DPP6: variants seen among roughly 807,000 people sequenced by gnomAD.
DPP6 encodes the protein dipeptidyl peptidase like 6.
DPP6 carries 69 observed loss-of-function variants against 122.6 expected under a neutral mutation model. The ratio of observed to expected loss-of-function variants is 0.56; its 90% CI spans 0.46 to 0.69. The LOEUF is 0.69. DPP6 is among the 30% of genes least tolerant of loss of function. The probability of loss-of-function intolerance (pLI) is 0.00; values close to 1 mark genes in which losing one functional copy is unlikely to be tolerated. For missense variants in DPP6, 928 were observed against 1,116.9 expected, an observed-to-expected ratio of 0.83 and a Z score of 2.41; for synonymous variants, 418 against 433.1, an observed-to-expected ratio of 0.97 and a Z score of 0.43.
At chr7:154,300,668 T>TGTGG (rs1191196863) in intron 1 of DPP6, among the ~76,000 whole-genome samples, 1 of 152,068 alleles carries the variant, frequency 6.6e-6, no homozygotes, top group Non-Finnish European at 1.5e-5. Flanking sequence ...TGTGTGTGTG[T>TGTGG]GGGGTTGGGG....
intron 10 of DPP6, among the ~76,000 whole-genome samples, chr7:154,778,558 C>A (rs1028722195): frequency 4.0e-5 from 6 of 151,126 alleles, no homozygotes; most frequent in Admixed American, 1.3e-4. Flanking sequence ...CTTGAGCACC[C>A]CCCCCCAAAA....
chr7:154,274,319 A>G (rs1461754989), intron 1 of DPP6, among the ~76,000 whole-genome samples: 2 of 152,180 alleles, frequency 1.3e-5, no homozygotes, highest in Non-Finnish European at 2.9e-5. Flanking sequence ...CAGTCATATC[A>G]CTATTCTTAT....
chr7:153,795,701 T>G, the DPP6 span, among the ~76,000 whole-genome samples: 1 of 152,250 alleles, frequency 6.6e-6, no homozygotes, highest in Middle Eastern at 3.4e-3. Flanking sequence ...AGATGTTGAT[T>G]TGAAACCTGT....
chr7:154,228,109 A>G lies in DPP6; in HGVS notation c.243+175046A>G, dbSNP rs55818755. Among the ~76,000 whole-genome samples the G allele has an allele frequency of 8.1e-3, 1,235 of 152,352 alleles. 22 individuals carry two copies. Among genetic ancestry groups the G allele is most frequent in the African/African-American group, 0.028 (1,168 of 41,580 alleles). ...TTAATAGAATTAATAATCAAATGGG[A>G]TCCTGAGATCAATAATTCTCAAATT... On this transcript the variant is annotated intron_variant, in intron 1 of 25. Coordinates refer to ENST00000377770, the MANE Select transcript of DPP6 (RefSeq NM_130797.4).
At chr7:154,521,993 C>A (rs951722827) in intron 3 of DPP6, among the ~76,000 whole-genome samples, 4 of 151,782 alleles carry the variant, frequency 2.6e-5, no homozygotes, top group Non-Finnish European at 4.4e-5. Flanking sequence ...GAGACGGAGT[C>A]TTGCTCTGTC....
chr7:154,872,962 T>G (rs1804519821), intron 19 of DPP6, among the ~76,000 whole-genome samples: 1 of 152,148 alleles, frequency 6.6e-6, no homozygotes, highest in Non-Finnish European at 1.5e-5. Flanking sequence ...GCTGGGATCA[T>G]CGTAGTGGCA....
At chr7:153,825,492 T>C in the DPP6 span, among the ~76,000 whole-genome samples, 1 of 152,170 alleles carries the variant, frequency 6.6e-6, no homozygotes, top group Non-Finnish European at 1.5e-5. Context: ...TTATCTTCCC[T>C]CCATTGTACC....
In DPP6 at chr7:154,755,439, T is replaced by G. The variant is rs1587038134; in HGVS notation, c.884-13978T>G. Among the ~76,000 whole-genome samples, 1 of 152,078 alleles carries G rather than the reference T, an allele frequency of 6.6e-6. No individual in the cohort carries two copies. The highest frequency in any genetic ancestry group is 6.5e-5 in the Admixed American group (1 of 15,290). On this transcript the variant is annotated intron_variant, in intron 8 of 25. Coordinates refer to ENST00000377770, the MANE Select transcript of DPP6 (RefSeq NM_130797.4). The surrounding 1 kb of genome is among the most constrained non-coding windows in gnomAD (Gnocchi z 4.7). ...GTATTTCCCATGGGTTATCTCTCAC[T>G]TACTAGCTGTGTGAGCTTCGGCACA...
intron 7 of DPP6, among the ~76,000 whole-genome samples, chr7:154,696,863 G>A (rs111954324): frequency 0.036 from 5,552 of 152,252 alleles, 333 homozygotes; most frequent in African/African-American, 0.13. Context: ...AGCCGGCCTC[G>A]GGGGGCCGGT....
At chr7:154,570,890 AG>A (rs1315105307) in intron 5 of DPP6, among the ~76,000 whole-genome samples, 1 of 152,200 alleles carries the variant, frequency 6.6e-6, no homozygotes, top group Non-Finnish European at 1.5e-5. Flanking sequence ...AGACACCTAT[AG>A]GTTATAAGTA....
At position 154,167,826 on chromosome 7, in the gene DPP6, A is replaced by G. The variant is rs186834779; in HGVS notation, c.243+114763A>G. 1.7e-3 allele frequency among the ~76,000 whole-genome samples: 260 copies of G among 152,390 alleles called. 1 individual carries two copies. Among genetic ancestry groups the G allele is most frequent in the Non-Finnish European group, 1.9e-3 (126 of 68,042 alleles). On this transcript the variant is annotated intron_variant, in intron 1 of 25. Transcript: ENST00000377770. ...TGCTAAACCCTACAAACTGCTCAGCATAAATGATTTCCTTTAATCCCTACA... is the reference window on the plus strand; with the variant it reads ...TGCTAAACCCTACAAACTGCTCAGCGTAAATGATTTCCTTTAATCCCTACA...
At chr7:154,526,282 G>A (rs1021333155) in intron 3 of DPP6, among the ~76,000 whole-genome samples, 2 of 152,202 alleles carry the variant, frequency 1.3e-5, no homozygotes, top group African/African-American at 2.4e-5. Flanking sequence ...AGGTCTGGAG[G>A]TCTGCTCACC....
chr7:154,514,433 A>C (rs1826331192), intron 3 of DPP6, among the ~76,000 whole-genome samples: 1 of 152,088 alleles, frequency 6.6e-6, no homozygotes, highest in South Asian at 2.1e-4. Context: ...TTAACCATGT[A>C]AAAGTATATA....
chr7:154,283,744 CTCCAAGCAAT>C (rs373934985), intron 1 of DPP6, among the ~76,000 whole-genome samples: 16 of 152,284 alleles, frequency 1.1e-4, no homozygotes, highest in African/African-American at 3.9e-4. Context: ...TCAGACTTTA[CTCCAAGCAAT>C]TCCAAGCATA....
chr7:154,002,222 C>T (rs191550784), intron 1 of DPP6, among the ~76,000 whole-genome samples: 7 of 151,940 alleles, frequency 4.6e-5, no homozygotes, highest in East Asian at 1.9e-4. Context: ...TCATGTCATG[C>T]GTATTTTTGT....
At chr7:153,887,109 A>C (rs1252815983) in exon 1 of DPP6, 3 of 152,214 alleles carry the variant, frequency 2.0e-5, no homozygotes, top group Non-Finnish European at 4.4e-5. Flanking sequence ...TTCAGACAGA[A>C]AACCTGGCGC....
At chr7:153,967,752 A>T (rs39165) in intron 1 of DPP6, among the ~76,000 whole-genome samples, 1 of 151,866 alleles carries the variant, frequency 6.6e-6, no homozygotes, top group African/African-American at 2.4e-5. Context: ...TCTTTCACAA[A>T]CTATTAATGA....
chr7:153,843,451 C>G, the DPP6 span, among the ~76,000 whole-genome samples: 1 of 152,106 alleles, frequency 6.6e-6, no homozygotes, highest in Non-Finnish European at 1.5e-5. Flanking sequence ...TCTCTTTGTT[C>G]CCAGGTGGAT....
intron 1 of DPP6, among the ~76,000 whole-genome samples, chr7:154,322,436 C>T (rs978767536): frequency 6.6e-6 from 1 of 152,186 alleles, no homozygotes; most frequent in African/African-American, 2.4e-5. Context: ...GAGTCAACTA[C>T]CGAAGGAAGA....
Sources: allele counts gnomAD v4.1 joint callset (sites outside exome capture counted in the v4.1 genomes callset), GRCh38; gene constraint gnomAD v4.1.1; non-coding constraint Gnocchi (gnomAD v3.1); transcripts MANE v1.5; gene names NCBI Gene and HGNC (gene_info 2026-07-23, HGNC 2026-07-21).